VPS13A: variants seen among roughly 807,000 people sequenced by gnomAD.
VPS13A encodes the protein vacuolar protein sorting 13 homolog A.
A neutral mutation model predicts 390.9 loss-of-function variants in VPS13A; 264 were observed. That is an observed-to-expected ratio of 0.68 (90% CI 0.61 to 0.75). The LOEUF is 0.75. Among genes scored for constraint, VPS13A ranks in the 30% least tolerant of loss-of-function variants. The pLI is 0.00. For synonymous variants in VPS13A, 1,231 were observed against 1,227.1 expected, an observed-to-expected ratio of 1.00 and a Z score of -0.07; for missense variants, 3,409 against 3,733.9, an observed-to-expected ratio of 0.91 and a Z score of 2.27.
At chr9:77,324,864 T>C (rs954432948) in intron 45 of VPS13A, among the ~76,000 whole-genome samples, 1 of 152,048 alleles carries the variant, frequency 6.6e-6, no homozygotes, top group African/African-American at 2.4e-5. Flanking sequence ...CCGCCTCTCA[T>C]TGTTTAACTT....
rs1466873486 is a variant in VPS13A, at chr9:77,295,813, T to G, written c.3779T>G (p.Ile1260Arg). ...QSSPPPVIDL[I>R]TIKLSEMRLY... is the part of the protein sequence containing the mutation. ...TCTCCCCCACCTGTTATTGATTTGA[T>G]AACAATAAAGCTGAGTGAAATGCGA... Residue 1260 changes from isoleucine (I) to arginine (R), a missense_variant, in exon 33 of 72, where the codon ATA (isoleucine) becomes AGA (arginine). Coordinates refer to ENST00000360280, the MANE Select transcript of VPS13A (RefSeq NM_033305.3). 1 of 1,614,016 alleles carries G rather than the reference T, an allele frequency of 6.2e-7. No homozygotes were observed. Among genetic ancestry groups the G allele is most frequent in the Admixed American group, 1.7e-5 (1 of 59,996 alleles).
intron 33 of VPS13A, among the ~76,000 whole-genome samples, chr9:77,300,561 A>G (rs936147644): frequency 1.8e-4 from 28 of 152,288 alleles, no homozygotes; most frequent in Non-Finnish European, 2.9e-4. Context: ...GTGAAACCCC[A>G]TCTCCACAAA....
At chr9:77,278,319 C>T (rs1208222198) in intron 26 of VPS13A, among the ~76,000 whole-genome samples, 1 of 151,172 alleles carries the variant, frequency 6.6e-6, no homozygotes, top group Non-Finnish European at 1.5e-5. Flanking sequence ...GTGATCCGCC[C>T]GCCTTGGCCT....
Position 77,337,339 on chromosome 9 carries a change from T to TGCTCTTCTA in VPS13A, c.6181_6189dup (p.Ala2061_Leu2063dup). 6.2e-7 allele frequency: 1 copy of TGCTCTTCTA among 1,612,156 alleles called. No homozygotes were observed. The highest frequency in any genetic ancestry group is 8.5e-7 in the Non-Finnish European group (1 of 1,178,570). ...TTGAAGAGATTATAAAAAATGATGG[T>TGCTCTTCTA]GCTCTTCTAAAGAAGAAATGTAGAT... On this transcript the variant is annotated inframe_insertion, in exon 47 of 72. Coordinates refer to ENST00000360280, the MANE Select transcript of VPS13A (RefSeq NM_033305.3).
At chr9:77,208,592 C>T (rs1260508982) in intron 5 of VPS13A, among the ~76,000 whole-genome samples, 1 of 152,028 alleles carries the variant, frequency 6.6e-6, no homozygotes, top group Non-Finnish European at 1.5e-5. Context: ...CTTTGTCTCC[C>T]AGGATGGAAT....
chr9:77,279,949 C>T (rs1826918157), intron 26 of VPS13A: 5 of 418,968 alleles, frequency 1.2e-5, no homozygotes, highest in Non-Finnish European at 2.2e-5. Flanking sequence ...AGTGTTGTGG[C>T]ACATGAGGAG....
In VPS13A at chr9:77,315,430, T is replaced by G. The variant is rs141940484; in HGVS notation, c.4590T>G (p.Ala1530=). 1,258 of 1,613,864 alleles carry G rather than the reference T, an allele frequency of 7.8e-4. 2 individuals carry two copies. Among genetic ancestry groups the G allele is most frequent in the Non-Finnish European group, 1.0e-3 (1,195 of 1,179,868 alleles). ...TTGAGGCCTACACCACAGGCACTGC[T>G]GTAGAAACCAGTGTGCAAACATGGA... ...VFLEAYTTGT[A]VETSVQTWTA... Residue 1530 remains alanine, a synonymous_variant, in exon 38 of 72, where the codon GCT becomes GCG. Transcript: ENST00000360280.
chr9:77,382,263 T>C (rs1833485007), intron 68 of VPS13A, 176 bp downstream of exon 68: 1 of 1,490,308 alleles, frequency 6.7e-7, no homozygotes. Context: ...ATAAGATTTT[T>C]TTTTCTTTTT....
intron 19 of VPS13A, among the ~76,000 whole-genome samples, chr9:77,246,956 T>A (rs1304271823): frequency 6.6e-6 from 1 of 152,100 alleles, no homozygotes; most frequent in Non-Finnish European, 1.5e-5. Flanking sequence ...TGTGAGTAAA[T>A]ATTTTATGCC....
At chr9:77,270,219 A>G (rs547809330) in intron 23 of VPS13A, among the ~76,000 whole-genome samples, 1 of 152,324 alleles carries the variant, frequency 6.6e-6, no homozygotes, top group South Asian at 2.1e-4. Flanking sequence ...CACATGTTAG[A>G]AAAAAACCTA....
At chr9:77,289,845 A>G (rs1317811414) in intron 31 of VPS13A, among the ~76,000 whole-genome samples, 6 of 151,212 alleles carry the variant, frequency 4.0e-5, no homozygotes, top group Admixed American at 1.3e-4. Context: ...CAGTGGTGCA[A>G]TCTCAGCTCA....
At chr9:77,339,489 G>GTTTTTTTTTTTTTTTTTTTTTTTT in intron 47 of VPS13A, 27 bp from the exon 48 acceptor site, 3 of 1,121,876 alleles carry the variant, frequency 2.7e-6, no homozygotes, top group South Asian at 1.7e-5. Flanking sequence ...TTTAAATTTT[G>GTTTTTTTTTTTTTTTTTTTTTTTT]TTTTGTTTTT....
intron 10 of VPS13A, among the ~76,000 whole-genome samples, chr9:77,218,642 GC>G (rs1190522090): frequency 7.2e-6 from 1 of 139,352 alleles, no homozygotes; most frequent in Non-Finnish European, 1.5e-5. Context: ...TGAGAACATT[GC>G]CTTTTTTTTT....
At chr9:77,263,313 T>A (rs938476078) in intron 23 of VPS13A, among the ~76,000 whole-genome samples, 2 of 152,180 alleles carry the variant, frequency 1.3e-5, no homozygotes, top group South Asian at 4.2e-4. Flanking sequence ...TTCACCATTT[T>A]AGCCAGGATG....
intron 11 of VPS13A, 46 bp from the exon 12 acceptor site, chr9:77,220,231 C>G (rs1303632385): frequency 1.3e-6 from 2 of 1,560,384 alleles, no homozygotes; most frequent in African/African-American, 2.7e-5. Context: ...AGCAATTGAA[C>G]AAAAAAATGT....
chr9:77,339,301 A>G (rs1830692591), intron 47 of VPS13A: 2 of 556,236 alleles, frequency 3.6e-6, no homozygotes, highest in East Asian at 2.9e-5. Flanking sequence ...CATTTAGACC[A>G]TTTTACAAAT....
At position 77,337,428 on chromosome 9, in the gene VPS13A, C is replaced by A. The variant is rs750468622; in HGVS notation, c.6269C>A (p.Ser2090Tyr). ...NIVPEKDNLTSLSVYSEDGWD... is the reference protein window; with the variant it reads ...NIVPEKDNLTYLSVYSEDGWD... Reference sequence around the variant, plus strand: ...GTTCCAGAAAAAGATAATTTAACATCTCTATCAGTGTATTCAGAAGATGGT... The same window carrying A: ...GTTCCAGAAAAAGATAATTTAACATATCTATCAGTGTATTCAGAAGATGGT... Residue 2090 changes from serine to tyrosine, a missense_variant, in exon 47 of 72, where the codon TCT becomes TAT. Physicochemically the swap from Ser to Tyr is moderately radical, Grantham distance 144 (BLOSUM62 -2). Transcript: ENST00000360280. 7.4e-6 allele frequency: 12 copies of A among 1,612,858 alleles called. No homozygotes were observed. The Admixed American group carries it at 1.0e-4, about 13-fold the overall frequency.
chr9:77,353,837 T>G (rs1831610730), intron 54 of VPS13A, among the ~76,000 whole-genome samples, 196 bp downstream of exon 54: 1 of 152,118 alleles, frequency 6.6e-6, no homozygotes, highest in East Asian at 1.9e-4. Context: ...AAATCAAATT[T>G]ATAAACTCCT....
chr9:77,286,013 T>C (rs2131356121), intron 31 of VPS13A, among the ~76,000 whole-genome samples: 2 of 152,336 alleles, frequency 1.3e-5, no homozygotes, highest in East Asian at 3.9e-4. Flanking sequence ...TATTTAAATC[T>C]CAGGGCACAG....
Sources: gnomAD v4.1 joint callset for allele counts (sites outside exome capture counted in the v4.1 genomes callset) on GRCh38, gnomAD v4.1.1 for gene constraint, MANE v1.5 for transcripts, NCBI Gene and HGNC (gene_info 2026-07-23, HGNC 2026-07-21) for gene names.